PLB1: variants seen among roughly 807,000 people sequenced by gnomAD.
PLB1 encodes phospholipase B1, membrane-associated.
Under a neutral mutation model 227.4 loss-of-function variants are expected in PLB1, and 242 were observed. That is an observed-to-expected ratio of 1.06 (90% CI 0.96 to 1.18). PLB1 has a LOEUF of 1.18. Ranked by LOEUF, PLB1 falls within the 50% of genes most tolerant of loss-of-function variation. The pLI is 0.00. For synonymous variants in PLB1, 757 were observed against 682.2 expected, an observed-to-expected ratio of 1.11 and a Z score of -1.71; for missense variants, 1,858 against 1,816.3, an observed-to-expected ratio of 1.02 and a Z score of -0.42.
At chr2:28,525,333 C>T (rs1452534967) in intron 5 of PLB1, 26 bp downstream of exon 5, 9 of 1,609,112 alleles carry the variant, frequency 5.6e-6, no homozygotes, top group Non-Finnish European at 7.6e-6. Context: ...ACACAGAAAA[C>T]AGAAAGGAGC....
At chr2:28,529,924 A>G in intron 8 of PLB1, 145 bp downstream of exon 8, 1 of 653,014 alleles carries the variant, frequency 1.5e-6, no homozygotes, top group Non-Finnish European at 2.6e-6. Flanking sequence ...TGTCTCTGCC[A>G]TTCTCTGGCG....
intron 16 of PLB1, among the ~76,000 whole-genome samples, chr2:28,551,108 C>T (rs1674177549): frequency 6.6e-6 from 1 of 152,242 alleles, no homozygotes; most frequent in African/African-American, 2.4e-5. Flanking sequence ...ATTCTTCTGA[C>T]CCTTCCCAAA....
In PLB1 at chr2:28,618,342, C is replaced by T. The variant is rs767030164; in HGVS notation, c.3258C>T (p.Val1086=). The change falls in exon 46 of 58, where the codon GTC becomes GTT. Residue 1086 remains valine, a splice_region_variant and synonymous_variant. Transcript: ENST00000327757. The part of the protein sequence containing the change: ...WKASNSVPTS[V]HQLRPADIKV... The stretch of plus-strand genomic sequence containing the variant: ...CACCTCTCTGCTTGTCTCCCCTAGT[C>T]CACCAGCTCCGACCAGCAGACATCA... 1 of 1,614,080 alleles carries T rather than the reference C, an allele frequency of 6.2e-7. No homozygotes were observed. Among genetic ancestry groups the T allele is most frequent in the Non-Finnish European group, 8.5e-7 (1 of 1,179,960 alleles).
At chr2:28,618,647 G>A (rs918069891) in intron 46 of PLB1, among the ~76,000 whole-genome samples, 6 of 152,106 alleles carry the variant, frequency 3.9e-5, no homozygotes, top group Admixed American at 2.0e-4. Context: ...AGCAATCCCC[G>A]CCTTCCCCAC....
chr2:28,508,329 C>G (rs1235453420), intron 1 of PLB1, among the ~76,000 whole-genome samples: 1 of 152,182 alleles, frequency 6.6e-6, no homozygotes, highest in East Asian at 1.9e-4. Context: ...GAGGTCAACC[C>G]AGCTACCTCA....
chr2:28,585,536 C>A (rs1432644570), intron 25 of PLB1: 2 of 465,560 alleles, frequency 4.3e-6, no homozygotes, highest in Non-Finnish European at 8.0e-6. Flanking sequence ...CTCGGCCCAC[C>A]AAAGTGCTGG....
chr2:28,529,392 C>T lies in PLB1; in HGVS notation c.401C>T (p.Pro134Leu), dbSNP rs1368997435. The T allele has an allele frequency of 4.4e-6, 7 of 1,603,884 alleles. No homozygotes were observed. Among genetic ancestry groups the T allele is most frequent in the Middle Eastern group, 1.7e-4 (1 of 6,060 alleles). ...PVCHTGKRVI[P>L]HDGAEDLWIQ... is the part of the protein sequence containing the mutation. ...TGCCACACTGGAAAGAGAGTCATAC[C>T]CCACGATGGTGCTGAGTAAGTTCCC... The change falls in exon 7 of 58, where the codon CCC (proline) becomes CTC (leucine). Residue 134 changes from proline (P) to leucine (L), a missense_variant. Coordinates refer to ENST00000327757, the MANE Select transcript of PLB1 (RefSeq NM_153021.5).
At chr2:28,509,003 C>G (rs1473549568) in intron 1 of PLB1, among the ~76,000 whole-genome samples, 1 of 152,180 alleles carries the variant, frequency 6.6e-6, no homozygotes, top group Non-Finnish European at 1.5e-5. Context: ...ACTTACACAA[C>G]CCTTTCCAGT....
intron 35 of PLB1, among the ~76,000 whole-genome samples, 195 bp downstream of exon 35, chr2:28,598,955 GATGCCCCTATAGGTTCA>G (rs1484551224): frequency 2.0e-5 from 3 of 152,202 alleles, no homozygotes; most frequent in Non-Finnish European, 2.9e-5. Flanking sequence ...GGAGAGATGC[GATGCCCCTATAGGTTCA>G]ACTCCTGACC....
chr2:28,628,627 A>G lies in PLB1; in HGVS notation c.3725A>G (p.Glu1242Gly). Residue 1242 changes from glutamate to glycine, a missense_variant and splice_region_variant, in exon 52 of 58, where the codon GAG becomes GGG. Transcript: ENST00000327757. Reference sequence around the variant, plus strand: ...CAGGCCCTGGACATCCTCTCTGAGGAGGTAGGAGAGGGGTTACGTGTTCCT... The same window carrying G: ...CAGGCCCTGGACATCCTCTCTGAGGGGGTAGGAGAGGGGTTACGTGTTCCT... ...IQQALDILSE[E>G]LPRAFVNVVE... is the part of the protein sequence containing the mutation. 6.2e-7 allele frequency: 1 copy of G among 1,613,982 alleles called. No individual in the cohort carries two copies. The highest frequency in any genetic ancestry group is 8.5e-7 in the Non-Finnish European group (1 of 1,179,928).
chr2:28,520,840 T>C lies in PLB1; in HGVS notation c.243+1077T>C, dbSNP rs1478636254. On this transcript the variant is annotated intron_variant, in intron 4 of 57. Transcript: ENST00000327757. ...ATAGAAAAAAATTAGCCGGGCATGG[T>C]CGTGGGCACCTGTAATCCCAGCTAC... Among the ~76,000 whole-genome samples the C allele has an allele frequency of 2.6e-5, 4 of 152,238 alleles. No individual in the cohort carries two copies. In the East Asian group the frequency reaches 5.8e-4, roughly 22 times the overall value.
intron 16 of PLB1, among the ~76,000 whole-genome samples, chr2:28,551,163 G>A (rs975317788): frequency 6.6e-6 from 1 of 152,208 alleles, no homozygotes; most frequent in African/African-American, 2.4e-5. Context: ...TTCATCTGAA[G>A]AGAAAATTAA....
At chr2:28,598,958 G>A (rs767640132) in intron 35 of PLB1, among the ~76,000 whole-genome samples, 198 bp downstream of exon 35, 1 of 152,188 alleles carries the variant, frequency 6.6e-6, no homozygotes, top group Non-Finnish European at 1.5e-5. Flanking sequence ...GAGATGCGAT[G>A]CCCCTATAGG....
intron 4 of PLB1, among the ~76,000 whole-genome samples, 187 bp from the exon 5 acceptor site, chr2:28,525,080 C>A (rs1670049140): frequency 6.6e-6 from 1 of 152,060 alleles, no homozygotes; most frequent in African/African-American, 2.4e-5. Flanking sequence ...AACTCTTGAT[C>A]TCACGTGATC....
intron 51 of PLB1, among the ~76,000 whole-genome samples, chr2:28,627,458 C>T (rs972099961): frequency 2.6e-5 from 4 of 152,134 alleles, no homozygotes; most frequent in African/African-American, 4.8e-5. Context: ...CTTCCGAGAG[C>T]GTAGTTTAGT....
chr2:28,577,282 T>A (rs1679127692), intron 21 of PLB1, among the ~76,000 whole-genome samples: 1 of 152,230 alleles, frequency 6.6e-6, no homozygotes, highest in African/African-American at 2.4e-5. Context: ...TCAGTGATCT[T>A]GTCTCCATTT....
At chr2:28,543,085 T>G in intron 13 of PLB1, 127 bp from the exon 14 acceptor site, 4 of 941,594 alleles carry the variant, frequency 4.2e-6, no homozygotes, top group Non-Finnish European at 6.2e-6. Context: ...GATGAGGGGC[T>G]GAGAGAAAAG....
At chr2:28,578,079 C>T (rs1041454129) in intron 21 of PLB1, 28 bp from the exon 22 acceptor site, 6 of 1,612,416 alleles carry the variant, frequency 3.7e-6, no homozygotes, top group Middle Eastern at 3.3e-4. Flanking sequence ...CCACTCCTCA[C>T]AGCACTTCCT....
In PLB1 at chr2:28,601,264, C is replaced by T; in HGVS notation, c.2539C>T (p.His847Tyr). The change falls in exon 37 of 58, where the codon CAT becomes TAT. Residue 847 changes from histidine to tyrosine, a missense_variant. By Grantham distance (83) the His-to-Tyr change is moderately conservative (BLOSUM62 2). Transcript: ENST00000327757. ...TCCCTCCATATAGAGAGTAAATTTCCATGAAGACTGGAAGGTCATCACAGT... is the reference window on the plus strand; with the variant it reads ...TCCCTCCATATAGAGAGTAAATTTCTATGAAGACTGGAAGGTCATCACAGT... ...KMKDDHRVNF[H>Y]EDWKVITVLI... The T allele has an allele frequency of 3.1e-6, 5 of 1,613,468 alleles. No individual in the cohort carries two copies. The highest frequency in any genetic ancestry group is 3.4e-6 in the Non-Finnish European group (4 of 1,179,458).
Sources: allele counts gnomAD v4.1 joint callset (sites outside exome capture counted in the v4.1 genomes callset), GRCh38; gene constraint gnomAD v4.1.1; transcripts MANE v1.5; gene names NCBI Gene and HGNC (gene_info 2026-07-23, HGNC 2026-07-21).